The following PPP2R1B variants were observed in gnomAD, a reference collection of about 807,000 sequenced individuals.
PPP2R1B encodes the protein serine/threonine-protein phosphatase 2A 65 kDa regulatory subunit A beta isoform.
In PPP2R1B, 58 loss-of-function variants were observed where a neutral mutation model predicts 72.7. That is an observed-to-expected ratio of 0.80 (90% confidence interval 0.65 to 0.99). The LOEUF is 0.99. Among genes scored for constraint, PPP2R1B ranks in the 50% least tolerant of loss-of-function variants. The pLI is 0.00. For missense variants in PPP2R1B, 695 were observed against 733.6 expected (o/e 0.95, Z 0.61); for synonymous variants, 256 against 264.6 (o/e 0.97, Z 0.32).
chr11:111,731,247 C>T (rs903429426), intron 15 of PPP2R1B, among the ~76,000 whole-genome samples: 7 of 152,166 alleles, frequency 4.6e-5, no homozygotes, highest in Admixed American at 1.3e-4. Flanking sequence ...CAGGGGTCCC[C>T]GAGGACAGGC....
chr11:111,697,216 G>A, the PPP2R1B span, among the ~76,000 whole-genome samples: 1 of 152,094 alleles, frequency 6.6e-6, no homozygotes. Context: ...CTAAAATAAG[G>A]ATACTTCATA....
downstream of PPP2R1B, chr11:111,726,743 C>A (rs977855392): frequency 1.6e-5 from 9 of 564,452 alleles, no homozygotes; most frequent in Non-Finnish European, 2.5e-5. Context: ...CTTAGTATCG[C>A]TCTTTTTCTG....
the PPP2R1B span, among the ~76,000 whole-genome samples, chr11:111,699,282 T>C: frequency 1.3e-5 from 2 of 152,174 alleles, no homozygotes; most frequent in South Asian, 4.1e-4. Context: ...ATGTACCCTC[T>C]TTTCTCTCCT....
Position 111,740,891 on chromosome 11 carries a change from T to G in PPP2R1B, c.*705A>C. 1 of 985,490 alleles carries G rather than the reference T, an allele frequency of 1.0e-6. No individual in the cohort carries two copies. Among genetic ancestry groups the G allele is most frequent in the Non-Finnish European group, 1.2e-6 (1 of 829,950 alleles). 61.0% of individuals were successfully genotyped at this position (985,490 alleles called of 1,614,324 possible). Reference sequence around the variant, plus strand: ...GAAAAGAGAGAGAAGTATTTTTAAATGTAGGCACAGTGGTGAGCTGTTCAA... The same window carrying G: ...GAAAAGAGAGAGAAGTATTTTTAAAGGTAGGCACAGTGGTGAGCTGTTCAA... On this transcript the variant is annotated 3_prime_UTR_variant, in exon 15 of 15. Coordinates refer to ENST00000527614, the MANE Select transcript of PPP2R1B (RefSeq NM_002716.5).
downstream of PPP2R1B, chr11:111,725,402 T>A (rs1057498870): frequency 2.0e-5 from 3 of 152,596 alleles, no homozygotes; most frequent in African/African-American, 7.2e-5. Context: ...CTGCCAAACA[T>A]TATATTACTA....
At chr11:111,690,429 ATTTATTT>A in the PPP2R1B span, among the ~76,000 whole-genome samples, 4 of 151,228 alleles carry the variant, frequency 2.6e-5, no homozygotes, top group African/African-American at 7.3e-5. Context: ...GAACTATTTT[ATTTATTT>A]TTTATTTTTT....
At chr11:111,729,283 C>T (rs970068563) in intron 15 of PPP2R1B, 1 of 152,324 alleles carries the variant, frequency 6.6e-6, no homozygotes, top group Non-Finnish European at 1.5e-5. Flanking sequence ...AGATAGAGAA[C>T]CAGGCGGCAG....
downstream of PPP2R1B, among the ~76,000 whole-genome samples, chr11:111,733,896 G>A (rs114361306): frequency 0.012 from 1,895 of 152,270 alleles, 41 homozygotes; most frequent in African/African-American, 0.043. Flanking sequence ...AGCAAGGCCC[G>A]GCTCCCACCC....
chr11:111,722,589 G>A (rs1943834821), downstream of PPP2R1B: 1 of 1,367,932 alleles, frequency 7.3e-7, no homozygotes, highest in African/African-American at 1.4e-5. The surrounding 1 kb of genome is among the most constrained non-coding windows in gnomAD (Gnocchi z 4.4). Context: ...TCATCCTGCA[G>A]GCAGAAGCAC....
At position 111,740,406 on chromosome 11, in the gene PPP2R1B, G is replaced by C; in HGVS notation, c.*1190C>G. ...CTAACTTTTTTGTATTTTTAGTAGA[G>C]ATGGGGTTTCACCATGTTGGTCAGG... On this transcript the variant is annotated 3_prime_UTR_variant, in exon 15 of 15. Transcript: ENST00000527614. 2.1e-6 allele frequency: 2 copies of C among 941,964 alleles called. No individual in the cohort carries two copies. Among genetic ancestry groups the C allele is most frequent in the Non-Finnish European group, 2.5e-6 (2 of 790,562 alleles). 58.4% of individuals were successfully genotyped at this position (941,964 alleles called of 1,614,324 possible). A position where few individuals can be genotyped will look rare whatever the true frequency, so the allele number is the denominator to read the frequency against.
At chr11:111,731,365 G>C (rs777289605) in intron 15 of PPP2R1B, among the ~76,000 whole-genome samples, 1 of 152,192 alleles carries the variant, frequency 6.6e-6, no homozygotes, top group Non-Finnish European at 1.5e-5. Context: ...TCTGCCAAAG[G>C]CCTCGACACT....
the PPP2R1B span, chr11:111,720,811 G>GT: frequency 1.9e-6 from 3 of 1,572,478 alleles, no homozygotes; most frequent in Non-Finnish European, 2.6e-6. Context: ...TAGGAGAGCA[G>GT]TTTCTTGCCA....
At chr11:111,701,355 C>T in the PPP2R1B span, 1 of 1,418,776 alleles carries the variant, frequency 7.0e-7, no homozygotes, top group African/African-American at 1.4e-5. This position sits in a 1 kb window ranked among gnomAD's most constrained non-coding sequence, Gnocchi z 4.2. Flanking sequence ...AGGAATTTTT[C>T]AGTCCATATG....
At chr11:111,765,997 C>G (rs582609) in intron 1 of PPP2R1B, 7,824 of 586,118 alleles carry the variant, frequency 0.013, 474 homozygotes, top group African/African-American at 0.13. Flanking sequence ...CCCCGACAAC[C>G]GCCCGGGAAG....
chr11:111,763,915 G>A (rs1945424241), intron 3 of PPP2R1B, among the ~76,000 whole-genome samples: 1 of 151,650 alleles, frequency 6.6e-6, no homozygotes, highest in South Asian at 2.1e-4. Context: ...TACCTCAGGA[G>A]TTCCATGGAA....
At chr11:111,730,027 T>C (rs1944132623) in intron 15 of PPP2R1B, 1 of 152,302 alleles carries the variant, frequency 6.6e-6, no homozygotes, top group Non-Finnish European at 1.5e-5. Context: ...GGAACGGTCA[T>C]GAACTCAGCC....
chr11:111,750,164 C>T (rs564872366), intron 10 of PPP2R1B, among the ~76,000 whole-genome samples: 1 of 152,298 alleles, frequency 6.6e-6, no homozygotes, highest in Non-Finnish European at 1.5e-5. Flanking sequence ...ATGCCACAGA[C>T]ATCCACAAAT....
chr11:111,757,338 A>T (rs1945161482), intron 5 of PPP2R1B, among the ~76,000 whole-genome samples: 1 of 152,200 alleles, frequency 6.6e-6, no homozygotes, highest in African/African-American at 2.4e-5. Flanking sequence ...AAAATATTAC[A>T]AATCTTAGAA....
the PPP2R1B span, among the ~76,000 whole-genome samples, chr11:111,720,274 A>G: frequency 1.3e-5 from 2 of 152,134 alleles, no homozygotes; most frequent in Admixed American, 6.5e-5. Context: ...ACTGGCTGAG[A>G]TCTTACAGAT....
Sources: allele counts gnomAD v4.1 joint callset (sites outside exome capture counted in the v4.1 genomes callset), GRCh38; gene constraint gnomAD v4.1.1; non-coding constraint Gnocchi (gnomAD v3.1); transcripts MANE v1.5; gene names NCBI Gene and HGNC (gene_info 2026-07-23, HGNC 2026-07-21).